The following SEMA4D variants were observed in gnomAD, a reference collection of about 807,000 sequenced individuals.
SEMA4D encodes semaphorin 4D, also known as semaphorin-4D.
In SEMA4D, 22 loss-of-function variants were observed where a neutral mutation model predicts 74.8. The observed-to-expected ratio is 0.29, with a 90% CI of 0.21 to 0.42. SEMA4D has a LOEUF of 0.42. Among genes scored for constraint, SEMA4D ranks in the 10% least tolerant of loss-of-function variants. The pLI, the probability that SEMA4D is intolerant of heterozygous loss-of-function variation, is 1.00. For missense variants in SEMA4D, 937 were observed against 1,118.4 expected, an observed-to-expected ratio of 0.84 and a Z score of 2.31; for synonymous variants, 445 against 463.7, an observed-to-expected ratio of 0.96 and a Z score of 0.52.
intron 1 of SEMA4D, among the ~76,000 whole-genome samples, chr9:89,461,686 T>C: frequency 7.1e-6 from 1 of 140,912 alleles, no homozygotes; most frequent in East Asian, 2.0e-4. Flanking sequence ...GGCCAATGTG[T>C]ATTTCTTTTT....
rs76483770 is a variant in SEMA4D, at chr9:89,420,360, T to C, written c.-243-14661A>G. Among the ~76,000 whole-genome samples, 869 of 152,332 alleles carry C rather than the reference T, an allele frequency of 5.7e-3. 15 individuals are homozygous for C. The highest frequency in any genetic ancestry group is 0.02 in the African/African-American group (832 of 41,570). ...CCCACACTTCTCATGTAATTACTCA[T>C]CATGCTGTTTTAACTCATATCTCCC... On this transcript the variant is annotated intron_variant, in intron 2 of 15. Coordinates refer to ENST00000422704, the MANE Select transcript of SEMA4D (RefSeq NM_001371194.2).
At chr9:89,427,853 T>C (rs984487955) in intron 2 of SEMA4D, among the ~76,000 whole-genome samples, 1 of 151,976 alleles carries the variant, frequency 6.6e-6, no homozygotes, top group African/African-American at 2.4e-5. Flanking sequence ...AGCTGGTGAG[T>C]CACTGTCACT....
downstream of SEMA4D, chr9:89,377,198 G>A: frequency 8.0e-7 from 1 of 1,246,432 alleles, no homozygotes; most frequent in Non-Finnish European, 1.1e-6. Context: ...AGGGGCGGGA[G>A]GCTGCACAGC....
intron 2 of SEMA4D, among the ~76,000 whole-genome samples, chr9:89,445,784 C>G (rs1852672891): frequency 6.6e-6 from 1 of 152,094 alleles, no homozygotes; most frequent in Non-Finnish European, 1.5e-5. Flanking sequence ...TGGGTGAGGC[C>G]AACTCACTCT....
Position 89,391,330 on chromosome 9 carries a change from C to T in SEMA4D, c.708G>A (p.Thr236=), listed in dbSNP as rs765297012. The T allele has an allele frequency of 5.6e-6, 9 of 1,614,122 alleles. No homozygotes were observed. Among genetic ancestry groups the T allele is most frequent in the Admixed American group, 1.7e-5 (1 of 60,012 alleles). ...CAAACTCATACTCCACAGACACCTCCGTGAAGAAGAAGTAGACCCTGTCAT... is the reference window on the plus strand; with the variant it reads ...CAAACTCATACTCCACAGACACCTCTGTGAAGAAGAAGTAGACCCTGTCAT... ...GEDDRVYFFF[T]EVSVEYEFVF... The change falls in exon 9 of 16, where the codon ACG becomes ACA. Residue 236 remains threonine (T), a synonymous_variant. Coordinates refer to ENST00000422704, the MANE Select transcript of SEMA4D (RefSeq NM_001371194.2).
chr9:89,382,605 T>C (rs1167763897), intron 13 of SEMA4D, among the ~76,000 whole-genome samples: 2 of 152,178 alleles, frequency 1.3e-5, no homozygotes, highest in Non-Finnish European at 2.9e-5. Context: ...AGCAGAGACC[T>C]GGGCAGATGA....
chr9:89,485,518 G>A (rs1004945588), intron 1 of SEMA4D, among the ~76,000 whole-genome samples: 3 of 152,162 alleles, frequency 2.0e-5, no homozygotes, highest in Non-Finnish European at 2.9e-5. Flanking sequence ...GCTGGGCACG[G>A]TGGCTCACAC....
At chr9:89,413,020 GA>G (rs1206393127) in intron 2 of SEMA4D, among the ~76,000 whole-genome samples, 1 of 152,186 alleles carries the variant, frequency 6.6e-6, no homozygotes, top group East Asian at 1.9e-4. Context: ...AACAAAAGGA[GA>G]AAAAGGCCAT....
chr9:89,427,443 GT>G (rs985931793), intron 2 of SEMA4D, among the ~76,000 whole-genome samples: 1 of 152,164 alleles, frequency 6.6e-6, no homozygotes, highest in Non-Finnish European at 1.5e-5. Flanking sequence ...GGCCTGGGGA[GT>G]AACCCCTGCC....
At chr9:89,401,907 C>A (rs1327735896) in intron 4 of SEMA4D, among the ~76,000 whole-genome samples, 2 of 152,038 alleles carry the variant, frequency 1.3e-5, no homozygotes, top group African/African-American at 4.8e-5. Context: ...ATGAGAAGAG[C>A]ATCTAGACTT....
intron 1 of SEMA4D, among the ~76,000 whole-genome samples, chr9:89,477,090 A>G (rs921014710): frequency 6.6e-6 from 1 of 152,206 alleles, no homozygotes; most frequent in African/African-American, 2.4e-5. Flanking sequence ...CTTCCGTAAA[A>G]TAAGTTCAGT....
chr9:89,402,381 G>C (rs1842399114), intron 4 of SEMA4D, among the ~76,000 whole-genome samples: 2 of 152,126 alleles, frequency 1.3e-5, no homozygotes, highest in Admixed American at 1.3e-4. Flanking sequence ...CTAAACGTTT[G>C]AACCAACTAA....
chr9:89,398,774 C>T (rs1841560476), intron 5 of SEMA4D, among the ~76,000 whole-genome samples: 1 of 152,212 alleles, frequency 6.6e-6, no homozygotes, highest in African/African-American at 2.4e-5. Flanking sequence ...CTGGCCAGAT[C>T]CCACACTTGC....
rs991911511 is a variant in SEMA4D at position 89,492,730 on chromosome 9, T to G, written c.-310+5189A>C. Among the ~76,000 whole-genome samples the G allele has an allele frequency of 1.3e-5, 2 of 152,178 alleles. No individual in the cohort carries two copies. Among genetic ancestry groups the G allele is most frequent in the African/African-American group, 4.8e-5 (2 of 41,436 alleles). On this transcript the variant is annotated intron_variant, in intron 1 of 15. Coordinates refer to ENST00000422704, the MANE Select transcript of SEMA4D (RefSeq NM_001371194.2). The surrounding 1 kb of genome is among the most constrained non-coding windows in gnomAD (Gnocchi z 4.3). ...CTCATGGGATCCATCACAGTCCTGT[T>G]GGCTCCGTCTTCGCAGAACACCTGC...
chr9:89,414,068 C>T (rs1845153456), intron 2 of SEMA4D, among the ~76,000 whole-genome samples: 1 of 152,210 alleles, frequency 6.6e-6, no homozygotes, highest in Non-Finnish European at 1.5e-5. Context: ...CGTGTCTCGG[C>T]TCCTTCCTGG....
chr9:89,416,267 C>T (rs1485146087), intron 2 of SEMA4D, among the ~76,000 whole-genome samples: 1 of 152,224 alleles, frequency 6.6e-6, no homozygotes, highest in Non-Finnish European at 1.5e-5. Context: ...TGCACAGCTA[C>T]AGGCGTGCAA....
intron 2 of SEMA4D, among the ~76,000 whole-genome samples, chr9:89,442,193 G>A (rs558710962): frequency 4.3e-5 from 6 of 140,730 alleles, no homozygotes; most frequent in African/African-American, 1.6e-4. Flanking sequence ...TGCGCCGTAC[G>A]GCCCAGGTCA....
chr9:89,480,615 A>C (rs543845982), intron 1 of SEMA4D, among the ~76,000 whole-genome samples: 1 of 152,218 alleles, frequency 6.6e-6, no homozygotes, highest in East Asian at 1.9e-4. Context: ...CCGGTGGGCC[A>C]GCACTGCTGG....
chr9:89,424,917 CT>C (rs1847793937), intron 2 of SEMA4D, among the ~76,000 whole-genome samples: 1 of 152,106 alleles, frequency 6.6e-6, no homozygotes, highest in Non-Finnish European at 1.5e-5. Context: ...TATTCTCTTG[CT>C]CCAAAGCCTC....
Sources: gnomAD v4.1 joint callset for allele counts (sites outside exome capture counted in the v4.1 genomes callset) on GRCh38, gnomAD v4.1.1 for gene constraint, Gnocchi (gnomAD v3.1) non-coding constraint, MANE v1.5 for transcripts, NCBI Gene and HGNC (gene_info 2026-07-23, HGNC 2026-07-21) for gene names.